CNST: variants seen among roughly 807,000 people sequenced by gnomAD.
The protein encoded by CNST is consortin, connexin sorting protein, also known as consortin.
Under a neutral mutation model 72.4 loss-of-function variants are expected in CNST, and 39 were observed. The observed-to-expected ratio is 0.54, with a 90% confidence interval of 0.42 to 0.70. CNST has a LOEUF of 0.70. Ranked by LOEUF, CNST falls within the 30% of genes least tolerant of loss-of-function variation. The probability of loss-of-function intolerance (pLI) is 0.00; values close to 1 mark genes in which losing one functional copy is unlikely to be tolerated. For synonymous variants in CNST, 332 were observed against 320.1 expected, an observed-to-expected ratio of 1.04 and a Z score of -0.40; for missense variants, 871 against 868.5, an observed-to-expected ratio of 1.00 and a Z score of -0.04.
chr1:246,581,206 G>A (rs574965954), intron 1 of CNST, among the ~76,000 whole-genome samples: 1 of 152,244 alleles, frequency 6.6e-6, no homozygotes, highest in South Asian at 2.1e-4. Context: ...ACATGGATAT[G>A]GTAACAGCCA....
At chr1:246,654,168 G>A (rs935959107) in intron 9 of CNST, among the ~76,000 whole-genome samples, 3 of 152,116 alleles carry the variant, frequency 2.0e-5, no homozygotes, top group Non-Finnish European at 4.4e-5. Context: ...TCTCCCCAAC[G>A]TCATCTTCTG....
chr1:246,659,635 A>G (rs1666976507), intron 9 of CNST, among the ~76,000 whole-genome samples: 1 of 152,130 alleles, frequency 6.6e-6, no homozygotes, highest in Non-Finnish European at 1.5e-5. Flanking sequence ...GCTCTGAGAG[A>G]AATTCTGGAA....
intron 1 of CNST, among the ~76,000 whole-genome samples, chr1:246,590,646 A>AT (rs1661486861): frequency 1.2e-3 from 1 of 858 alleles, no homozygotes; most frequent in Admixed American, 0.013. Context: ...CCTCTCACTG[A>AT]GGTTTTTTTC....
chr1:246,608,374 A>G (rs1663063777), intron 2 of CNST, among the ~76,000 whole-genome samples: 1 of 152,202 alleles, frequency 6.6e-6, no homozygotes, highest in Non-Finnish European at 1.5e-5. Flanking sequence ...AAGAATTAGC[A>G]TCACAAATTG....
intron 1 of CNST, among the ~76,000 whole-genome samples, chr1:246,578,777 A>G (rs1660609131): frequency 6.6e-6 from 1 of 152,082 alleles, no homozygotes; most frequent in Non-Finnish European, 1.5e-5. Context: ...AAACTCTTCA[A>G]CCCCAGCTCA....
chr1:246,578,184 A>G (rs1232066225), intron 1 of CNST, among the ~76,000 whole-genome samples: 1 of 152,114 alleles, frequency 6.6e-6, no homozygotes, highest in Admixed American at 6.5e-5. Context: ...CAAGCATTCA[A>G]GCACTTGAAT....
At chr1:246,631,127 A>G (rs989564681) in intron 3 of CNST, among the ~76,000 whole-genome samples, 2 of 152,252 alleles carry the variant, frequency 1.3e-5, no homozygotes, top group African/African-American at 4.8e-5. Context: ...TAAATGTCAT[A>G]TCTAAATAAA....
intron 4 of CNST, chr1:246,632,562 C>T (rs1163582354): frequency 6.0e-6 from 1 of 167,250 alleles, no homozygotes; most frequent in Non-Finnish European, 1.4e-5. Flanking sequence ...AGAGAGAGAA[C>T]TTCTGAGTGA....
Position 246,630,378 on chromosome 1 carries a change from C to T in CNST, c.586-1516C>T, listed in dbSNP as rs886676354. Among the ~76,000 whole-genome samples, 14 of 152,156 alleles carry T rather than the reference C, an allele frequency of 9.2e-5. 1 individual carries two copies. Among genetic ancestry groups the T allele is most frequent in the Admixed American group, 8.5e-4 (13 of 15,282 alleles). On this transcript the variant is annotated intron_variant, in intron 3 of 10. Transcript: ENST00000366513. ...AGAACAATAAGCTGGTAAAAGATAA[C>T]CAGATTCTTAAAAATCAGTTTGTCC...
intron 2 of CNST, among the ~76,000 whole-genome samples, chr1:246,611,021 G>A (rs1252140067): frequency 2.0e-5 from 3 of 152,132 alleles, no homozygotes; most frequent in African/African-American, 4.8e-5. Flanking sequence ...TGCTCTGAAC[G>A]TGTTCTGAGT....
chr1:246,592,642 G>A (rs1022291941), intron 2 of CNST, among the ~76,000 whole-genome samples: 1 of 152,082 alleles, frequency 6.6e-6, no homozygotes, highest in Non-Finnish European at 1.5e-5. Flanking sequence ...TCATTCCTGT[G>A]GCTTTGATCC....
intron 6 of CNST, among the ~76,000 whole-genome samples, chr1:246,639,696 C>T (rs185454513): frequency 4.4e-4 from 67 of 152,260 alleles, no homozygotes; most frequent in Non-Finnish European, 9.1e-4. Context: ...AGCAAGGGCC[C>T]GGGTTTCGGC....
chr1:246,666,040 T>C lies in CNST; in HGVS notation c.*135T>C. ...CCAAGGACATCAGAAATAGCAACTT[T>C]AAGTGGCAAGCCGGAGGAACTCTGT... is the stretch of plus-strand genomic sequence containing the variant. On this transcript the variant is annotated 3_prime_UTR_variant, in exon 11 of 11. Transcript: ENST00000366513. The C allele has an allele frequency of 1.6e-6, 1 of 631,940 alleles. No individual in the cohort carries two copies. The highest frequency in any genetic ancestry group is 2.0e-5 in the South Asian group (1 of 50,008). 39.1% of individuals were successfully genotyped at this position (631,940 alleles called of 1,614,324 possible).
chr1:246,635,311 T>G (rs1665129106), intron 6 of CNST, among the ~76,000 whole-genome samples: 1 of 151,752 alleles, frequency 6.6e-6, no homozygotes, highest in African/African-American at 2.4e-5. Flanking sequence ...TTAACTGTAG[T>G]TTCAACAAGA....
chr1:246,602,985 A>C (rs894619786), intron 2 of CNST, among the ~76,000 whole-genome samples: 44 of 152,268 alleles, frequency 2.9e-4, no homozygotes, highest in African/African-American at 1.0e-3. Context: ...ACAATCAATC[A>C]AACCTTTCAA....
rs552910379 is a variant in CNST at position 246,591,932 on chromosome 1, A to G, written c.370A>G (p.Ile124Val). The G allele has an allele frequency of 3.1e-6, 5 of 1,605,292 alleles. No individual in the cohort carries two copies. In the South Asian group the frequency reaches 5.6e-5, roughly 18 times the overall value. ...PRSKKGTAKK[I>V]PPGLFSGDIA... ...AAGCAAAAAAGGGACTGCTAAGAAG[A>G]TACCACCAGGTATTGTTTAAAATAG... Residue 124 changes from isoleucine to valine, a missense_variant, in exon 2 of 11, where the codon ATA (isoleucine) becomes GTA (valine). Physicochemically the swap from Ile to Val is conservative, Grantham distance 29. Coordinates refer to ENST00000366513, the MANE Select transcript of CNST (RefSeq NM_152609.3).
chr1:246,646,999 C>A, intron 8 of CNST, 140 bp from the exon 9 acceptor site: 1 of 724,796 alleles, frequency 1.4e-6, no homozygotes, highest in Non-Finnish European at 2.2e-6. Context: ...TACCTAAAGA[C>A]ACTATTATGC....
At chr1:246,606,204 A>C (rs1662796100) in intron 2 of CNST, 1 of 152,160 alleles carries the variant, frequency 6.6e-6, no homozygotes, top group African/African-American at 2.4e-5. Flanking sequence ...CAAGAGTTTT[A>C]ATGGCTTTTA....
intron 9 of CNST, 107 bp from the exon 10 acceptor site, chr1:246,660,092 C>A: frequency 1.2e-6 from 1 of 832,536 alleles, no homozygotes; most frequent in Non-Finnish European, 1.9e-6. Flanking sequence ...GAATTGGATA[C>A]CCCTGTAATA....
Sources: allele counts gnomAD v4.1 joint callset (sites outside exome capture counted in the v4.1 genomes callset), GRCh38; gene constraint gnomAD v4.1.1; transcripts MANE v1.5; gene names NCBI Gene and HGNC (gene_info 2026-07-23, HGNC 2026-07-21).